The following SEMA5A variants were observed in gnomAD, a reference collection of about 807,000 sequenced individuals.
SEMA5A encodes semaphorin 5A.
Under a neutral mutation model 135.5 loss-of-function variants are expected in SEMA5A, and 55 were observed. That is an observed-to-expected ratio of 0.41 (90% CI 0.33 to 0.51). SEMA5A has a LOEUF of 0.51. Ranked by LOEUF, SEMA5A falls within the 20% of genes least tolerant of loss-of-function variation. SEMA5A has a pLI of 0.37. For missense variants in SEMA5A, 1,290 were observed against 1,419.9 expected (o/e 0.91, Z 1.47); for synonymous variants, 580 against 546.5 (o/e 1.06, Z -0.85).
intron 1 of SEMA5A, among the ~76,000 whole-genome samples, chr5:9,482,851 G>A (rs1759927679): frequency 6.6e-6 from 1 of 152,224 alleles, no homozygotes; most frequent in African/African-American, 2.4e-5. Context: ...CTTCTGTCTT[G>A]ACACAGCTGG....
chr5:9,135,989 T>C (rs1268808252), intron 13 of SEMA5A, among the ~76,000 whole-genome samples: 1 of 152,208 alleles, frequency 6.6e-6, no homozygotes, highest in Admixed American at 6.5e-5. Context: ...GAGTCCTCTA[T>C]GGGAACGCAC....
In SEMA5A at chr5:9,066,539, T is replaced by C. The variant is rs754600114; in HGVS notation, c.2181A>G (p.Gln727=). 1 of 1,614,166 alleles carries C rather than the reference T, an allele frequency of 6.2e-7. No individual in the cohort carries two copies. Among genetic ancestry groups the C allele is most frequent in the Non-Finnish European group, 8.5e-7 (1 of 1,180,028 alleles). ...NISDNGGHYE[Q]RFRYTCKARL... Reference sequence around the variant, plus strand: ...GGGCTTTGCATGTGTATCGGAATCGTTGCTCATAGTGGCCGCCGTTGTCAG... The same window carrying C: ...GGGCTTTGCATGTGTATCGGAATCGCTGCTCATAGTGGCCGCCGTTGTCAG... The change falls in exon 17 of 23, where the codon CAA becomes CAG. Residue 727 remains glutamine (Q), a synonymous_variant. Transcript: ENST00000382496.
chr5:9,043,715 A>G (rs954713730), intron 22 of SEMA5A, among the ~76,000 whole-genome samples: 4 of 152,360 alleles, frequency 2.6e-5, no homozygotes, highest in Non-Finnish European at 2.9e-5. Context: ...TTCGTTAAAG[A>G]CTGGACAGCT....
At chr5:9,307,314 G>A (rs1751917330) in intron 5 of SEMA5A, among the ~76,000 whole-genome samples, 1 of 152,120 alleles carries the variant, frequency 6.6e-6, no homozygotes, top group Non-Finnish European at 1.5e-5. Context: ...AGGATTGTTT[G>A]TCAAACATAT....
At chr5:9,165,759 A>G (rs926155511) in intron 11 of SEMA5A, among the ~76,000 whole-genome samples, 18 of 152,190 alleles carry the variant, frequency 1.2e-4, no homozygotes, top group African/African-American at 4.3e-4. Context: ...ATGATGAAAT[A>G]CCCGCTTCCA....
chr5:9,078,602 C>T (rs2150097500), intron 16 of SEMA5A, among the ~76,000 whole-genome samples: 1 of 151,096 alleles, frequency 6.6e-6, no homozygotes, highest in African/African-American at 2.4e-5. Context: ...CACACACACA[C>T]ACACACACAG....
In SEMA5A at chr5:9,053,406, T is replaced by C. The variant is rs3777239; in HGVS notation, c.2689+681A>G. Among the ~76,000 whole-genome samples the C allele has an allele frequency of 1.9e-4, 29 of 152,366 alleles. No individual in the cohort carries two copies. The East Asian group carries it at 5.6e-3, about 29-fold the overall frequency. ...GCTTTGCTATCACCAGTTTCTGTTG[T>C]TTGCTGTGCTCCTCCACTTACTGAT... On this transcript the variant is annotated intron_variant, in intron 19 of 22. Coordinates refer to ENST00000382496, the MANE Select transcript of SEMA5A (RefSeq NM_003966.3).
chr5:9,239,266 A>G (rs1748077096), intron 5 of SEMA5A, among the ~76,000 whole-genome samples: 1 of 152,194 alleles, frequency 6.6e-6, no homozygotes, highest in Admixed American at 6.5e-5. Context: ...AACATCTGAT[A>G]AGAGAATTTG....
At chr5:9,299,914 G>C (rs749979035) in intron 5 of SEMA5A, among the ~76,000 whole-genome samples, 2 of 152,126 alleles carry the variant, frequency 1.3e-5, no homozygotes, top group Non-Finnish European at 2.9e-5. Context: ...CAGTGGCCCT[G>C]CTCTAATGAG....
chr5:9,339,709 C>G, intron 3 of SEMA5A, among the ~76,000 whole-genome samples: 1 of 152,114 alleles, frequency 6.6e-6, no homozygotes, highest in East Asian at 1.9e-4. Context: ...TAGAAAAATT[C>G]ACTTTCAGGT....
At chr5:9,419,973 A>G (rs2126628889) in intron 2 of SEMA5A, among the ~76,000 whole-genome samples, 1 of 152,278 alleles carries the variant, frequency 6.6e-6, no homozygotes, top group Admixed American at 6.5e-5. Context: ...CTGCAGCCAA[A>G]CCACTGGTTT....
At position 9,441,629 on chromosome 5, in the gene SEMA5A, G is replaced by A. The variant is rs114722616; in HGVS notation, c.-174-3777C>T. Among the ~76,000 whole-genome samples, 968 of 152,204 alleles carry A rather than the reference G, an allele frequency of 6.4e-3. 7 individuals carry two copies. The highest frequency in any genetic ancestry group is 0.022 in the African/African-American group (908 of 41,522). On this transcript the variant is annotated intron_variant, in intron 1 of 22. Transcript: ENST00000382496. ...CCATAAGAATCACAGACAGAAATCT[G>A]GCCTCATGCTCAAGTCCCTGGAGGA...
At chr5:9,409,532 C>A (rs567622870) in intron 2 of SEMA5A, among the ~76,000 whole-genome samples, 3 of 151,924 alleles carry the variant, frequency 2.0e-5, no homozygotes, top group Non-Finnish European at 4.4e-5. Context: ...CAGCCCTGGG[C>A]TCCCCCTCCC....
At chr5:9,392,787 C>G (rs550609572) in intron 2 of SEMA5A, among the ~76,000 whole-genome samples, 1 of 152,118 alleles carries the variant, frequency 6.6e-6, no homozygotes, top group Non-Finnish European at 1.5e-5. Context: ...GGCCAGAAAC[C>G]AAGATAGTCA....
chr5:9,193,154 A>T (rs1344867498), intron 10 of SEMA5A, among the ~76,000 whole-genome samples: 1 of 152,148 alleles, frequency 6.6e-6, no homozygotes, highest in Non-Finnish European at 1.5e-5. Flanking sequence ...TATTTCAAAT[A>T]GTTGGAAGAG....
At chr5:9,162,550 A>ATG (rs201253805) in intron 11 of SEMA5A, among the ~76,000 whole-genome samples, 6,229 of 49,942 alleles carry the variant, frequency 0.12, 158 homozygotes, top group East Asian at 0.21. Context: ...GTGTGTATAT[A>ATG]TGTGTGTGTG....
At chr5:9,504,090 C>T (rs1456914045) in intron 1 of SEMA5A, among the ~76,000 whole-genome samples, 1 of 151,822 alleles carries the variant, frequency 6.6e-6, no homozygotes, top group Non-Finnish European at 1.5e-5. Flanking sequence ...TGGCTCATGC[C>T]TGTAATCCCA....
chr5:9,359,970 G>T (rs1754620119), intron 3 of SEMA5A, among the ~76,000 whole-genome samples: 1 of 152,090 alleles, frequency 6.6e-6, no homozygotes, highest in Non-Finnish European at 1.5e-5. Flanking sequence ...AAAAATTTTT[G>T]CTATCCTTGT....
intron 3 of SEMA5A, among the ~76,000 whole-genome samples, chr5:9,373,312 T>C (rs1755221194): frequency 6.6e-6 from 1 of 152,208 alleles, no homozygotes; most frequent in South Asian, 2.1e-4. Context: ...AAAATCCTAA[T>C]TGGTCACTTT....
Sources: allele counts gnomAD v4.1 joint callset (sites outside exome capture counted in the v4.1 genomes callset), GRCh38; gene constraint gnomAD v4.1.1; transcripts MANE v1.5; gene names NCBI Gene and HGNC (gene_info 2026-07-23, HGNC 2026-07-21).